The following FHIP1A variants were observed in gnomAD, a reference collection of about 807,000 sequenced individuals.
FHIP1A encodes FHF complex subunit HOOK interacting protein 1A, also known as FHF complex subunit HOOK-interacting protein 1A.
FHIP1A carries 61 observed loss-of-function variants against 88.6 expected under a neutral mutation model. That is an observed-to-expected ratio of 0.69 (90% CI 0.56 to 0.85). The LOEUF is 0.85. Among genes scored for constraint, FHIP1A ranks in the 40% least tolerant of loss-of-function variants. The probability of loss-of-function intolerance (pLI) is 0.00; values close to 1 mark genes in which losing one functional copy is unlikely to be tolerated. For missense variants in FHIP1A, 1,154 were observed against 1,273.5 expected, an observed-to-expected ratio of 0.91 and a Z score of 1.43; for synonymous variants, 478 against 496.0, an observed-to-expected ratio of 0.96 and a Z score of 0.48.
chr4:151,553,456 T>C (rs1212465363), intron 3 of FHIP1A, among the ~76,000 whole-genome samples: 1 of 152,218 alleles, frequency 6.6e-6, no homozygotes, highest in Non-Finnish European at 1.5e-5. Context: ...ATGTATCCTT[T>C]CCTTTAGAAT....
intron 3 of FHIP1A, among the ~76,000 whole-genome samples, chr4:151,548,051 G>T (rs578182661): frequency 4.6e-5 from 7 of 152,284 alleles, no homozygotes; most frequent in Admixed American, 3.3e-4. Context: ...GCTTGGAGTG[G>T]TTTAATGTCC....
intron 13 of FHIP1A, among the ~76,000 whole-genome samples, chr4:151,657,748 A>G (rs1438452706): frequency 1.3e-5 from 2 of 152,340 alleles, no homozygotes; most frequent in East Asian, 3.9e-4. Context: ...TCCTGGGCCA[A>G]AGGCAAGTGA....
chr4:151,632,033 A>G (rs560301040), intron 8 of FHIP1A, among the ~76,000 whole-genome samples: 2 of 152,184 alleles, frequency 1.3e-5, no homozygotes, highest in Non-Finnish European at 2.9e-5. Flanking sequence ...AGATCCAAGC[A>G]TATACTGTCT....
chr4:151,591,401 C>T (rs1293829858), intron 7 of FHIP1A, among the ~76,000 whole-genome samples: 1 of 151,926 alleles, frequency 6.6e-6, no homozygotes, highest in African/African-American at 2.4e-5. Flanking sequence ...TTCCTATACT[C>T]CATGTCCACT....
At chr4:151,654,162 A>T (rs906255714) in intron 11 of FHIP1A, among the ~76,000 whole-genome samples, 1 of 151,912 alleles carries the variant, frequency 6.6e-6, no homozygotes, top group Admixed American at 6.6e-5. Context: ...CCAAGGAGTG[A>T]TGAGTCATTT....
intron 7 of FHIP1A, among the ~76,000 whole-genome samples, chr4:151,621,443 G>GCTTTGTTA (rs1735740780): frequency 6.6e-6 from 1 of 151,778 alleles, no homozygotes; most frequent in South Asian, 2.1e-4. Flanking sequence ...ATCAGAGCTT[G>GCTTTGTTA]CTTTGTTACT....
At chr4:151,524,139 GTC>G (rs1731546501) in intron 3 of FHIP1A, among the ~76,000 whole-genome samples, 2 of 151,974 alleles carry the variant, frequency 1.3e-5, no homozygotes, top group Admixed American at 6.6e-5. Flanking sequence ...GTGAAACCCT[GTC>G]TCTACAAAAA....
intron 7 of FHIP1A, among the ~76,000 whole-genome samples, chr4:151,598,199 G>T (rs909392772): frequency 5.3e-5 from 8 of 152,192 alleles, no homozygotes; most frequent in African/African-American, 1.7e-4. Context: ...TCTGCGGGTT[G>T]TGGACCATGA....
chr4:151,644,122 T>C (rs1736697256), intron 9 of FHIP1A, among the ~76,000 whole-genome samples: 1 of 152,214 alleles, frequency 6.6e-6, no homozygotes, highest in African/African-American at 2.4e-5. Context: ...ATTTCTTAAA[T>C]AATTAATGAC....
At chr4:151,412,094 G>A (rs1732671606) in intron 1 of FHIP1A, among the ~76,000 whole-genome samples, 1 of 152,164 alleles carries the variant, frequency 6.6e-6, no homozygotes, top group African/African-American at 2.4e-5. Flanking sequence ...AAGCAGATGA[G>A]GTTCAGAGAT....
chr4:151,620,878 TA>T (rs149285456), intron 7 of FHIP1A, among the ~76,000 whole-genome samples: 41,449 of 139,184 alleles, frequency 0.3, 6,052 homozygotes, highest in Middle Eastern at 0.35. Flanking sequence ...ACACCGAGAA[TA>T]AAAAAAAAAA....
At chr4:151,568,884 A>G (rs1388662598) in intron 4 of FHIP1A, among the ~76,000 whole-genome samples, 1 of 152,206 alleles carries the variant, frequency 6.6e-6, no homozygotes, top group Non-Finnish European at 1.5e-5. Flanking sequence ...TGGATGGTAC[A>G]TATAAAAGAG....
At chr4:151,619,823 A>T (rs185722286) in intron 7 of FHIP1A, among the ~76,000 whole-genome samples, 64 of 152,354 alleles carry the variant, frequency 4.2e-4, no homozygotes, top group Non-Finnish European at 7.5e-4. Flanking sequence ...GGTGTGCCTA[A>T]GGTTTAGCTG....
chr4:151,656,451 G>T lies in FHIP1A; in HGVS notation c.2730+41G>T. 6.5e-7 allele frequency: 1 copy of T among 1,530,370 alleles called. No homozygotes were observed. The highest frequency in any genetic ancestry group is 1.2e-5 in the South Asian group (1 of 82,526). 94.8% of individuals were successfully genotyped at this position (1,530,370 alleles called of 1,614,324 possible). The stretch of plus-strand genomic sequence containing the variant: ...CCACATCCACACCTGTTGATTTTGT[G>T]GGTGCTAATTTGCAGGGCATCTATT... On this transcript the variant is annotated intron_variant, in intron 12 of 13. Transcript: ENST00000435205. This position sits in a 1 kb window ranked among gnomAD's most constrained non-coding sequence, Gnocchi z 4.2.
At position 151,651,902 on chromosome 4, in the gene FHIP1A, A is replaced by G. The variant is rs754523063; in HGVS notation, c.2551+1310A>G. ...CTGAATGAGTTTTAATTAAAATTCA[A>G]TCAGTCAGTCAATCATAAGTAAAAT... On this transcript the variant is annotated intron_variant, in intron 11 of 13. Transcript: ENST00000435205. 5.3e-5 allele frequency among the ~76,000 whole-genome samples: 8 copies of G among 152,226 alleles called. No individual in the cohort carries two copies. The East Asian group carries it at 5.8e-4, about 11-fold the overall frequency.
At chr4:151,503,444 A>G (rs566349195) in intron 3 of FHIP1A, among the ~76,000 whole-genome samples, 11 of 152,208 alleles carry the variant, frequency 7.2e-5, no homozygotes, top group East Asian at 1.9e-4. Flanking sequence ...TCTTGAGGCA[A>G]TCTCCTGGTG....
At chr4:151,475,035 G>A (rs76414657) in intron 2 of FHIP1A, among the ~76,000 whole-genome samples, 388 of 152,298 alleles carry the variant, frequency 2.5e-3, no homozygotes, top group African/African-American at 8.9e-3. Flanking sequence ...TAATGGTTAA[G>A]GGTCAGGAAT....
At chr4:151,548,466 A>G (rs1732592708) in intron 3 of FHIP1A, among the ~76,000 whole-genome samples, 2 of 152,232 alleles carry the variant, frequency 1.3e-5, no homozygotes, top group Admixed American at 1.3e-4. Flanking sequence ...ATAGGTCATA[A>G]AGACCTTGCT....
chr4:151,539,246 T>C (rs1023483989), intron 3 of FHIP1A, among the ~76,000 whole-genome samples: 6 of 152,186 alleles, frequency 3.9e-5, no homozygotes, highest in Admixed American at 3.9e-4. Context: ...TGTTTTAAGT[T>C]AGAGACTAGC....
Sources: allele counts gnomAD v4.1 joint callset (sites outside exome capture counted in the v4.1 genomes callset), GRCh38; gene constraint gnomAD v4.1.1; non-coding constraint Gnocchi (gnomAD v3.1); transcripts MANE v1.5; gene names NCBI Gene and HGNC (gene_info 2026-07-23, HGNC 2026-07-21).